APAF1: variants seen among roughly 807,000 people sequenced by gnomAD.
The protein encoded by APAF1 is apoptotic peptidase activating factor 1.
APAF1 carries 91 observed loss-of-function variants against 152.4 expected under a neutral mutation model. That is an observed-to-expected ratio of 0.60 (90% confidence interval 0.50 to 0.71). The LOEUF is 0.71. Ranked by LOEUF, APAF1 falls within the 30% of genes least tolerant of loss-of-function variation. APAF1 has a pLI of 0.00. For missense variants in APAF1, 1,283 were observed against 1,472.0 expected, an observed-to-expected ratio of 0.87 and a Z score of 2.10; for synonymous variants, 484 against 494.1, an observed-to-expected ratio of 0.98 and a Z score of 0.27.
intron 9 of APAF1, among the ~76,000 whole-genome samples, chr12:98,667,257 G>A (rs531575291): frequency 2.2e-4 from 34 of 151,718 alleles, no homozygotes; most frequent in Non-Finnish European, 4.6e-4. Flanking sequence ...CACCACACCT[G>A]ACTGATTTTT....
chr12:98,656,103 A>AT (rs1352355822), intron 4 of APAF1, among the ~76,000 whole-genome samples: 2 of 151,544 alleles, frequency 1.3e-5, no homozygotes, highest in South Asian at 2.1e-4. Context: ...AATTTTTTGT[A>AT]TTTTTTTAGG....
rs573419861 is a variant in APAF1, at chr12:98,708,478, T to C, written c.2722-107T>C. ...TGGATTATAATCTAATATTGAAACC[T>C]TTCTAGCATCATAGGTATTTTATGT... On this transcript the variant is annotated intron_variant, in intron 19 of 26. Transcript: ENST00000551964. 11 of 1,152,514 alleles carry C rather than the reference T, an allele frequency of 9.5e-6. No homozygotes were observed. The African/African-American group carries it at 1.1e-4, about 11-fold the overall frequency. The allele number at this position is 1,152,514 out of a possible 1,614,324, so 71.4% of individuals were successfully genotyped here.
At chr12:98,712,265 G>T (rs192731229) in intron 20 of APAF1, 54 bp from the exon 21 acceptor site, 10 of 989,122 alleles carry the variant, frequency 1.0e-5, no homozygotes, top group South Asian at 2.5e-5. Flanking sequence ...CTGTTCTGAC[G>T]AACAAAAACT....
intron 16 of APAF1, among the ~76,000 whole-genome samples, chr12:98,693,013 T>C (rs898591699): frequency 4.6e-5 from 7 of 152,132 alleles, no homozygotes; most frequent in Admixed American, 3.9e-4. Context: ...ACCAGCAGTG[T>C]ATAAGCGTTC....
chr12:98,716,993 G>A (rs1011075588), intron 22 of APAF1, among the ~76,000 whole-genome samples: 4 of 151,872 alleles, frequency 2.6e-5, no homozygotes, highest in Non-Finnish European at 5.9e-5. Context: ...AGCCTCCTGA[G>A]TAGCTGGGAT....
At chr12:98,723,611 C>G (rs752330919) in intron 23 of APAF1, 28 bp from the exon 24 acceptor site, 1 of 1,517,044 alleles carries the variant, frequency 6.6e-7, no homozygotes, top group South Asian at 1.2e-5. Context: ...AAGTGTCAAC[C>G]TCCAAGTGTT....
chr12:98,696,764 A>C (rs1407939422), intron 16 of APAF1, among the ~76,000 whole-genome samples: 1 of 152,120 alleles, frequency 6.6e-6, no homozygotes, highest in African/African-American at 2.4e-5. Flanking sequence ...CCAAGGTGCT[A>C]GGATTACAGA....
At chr12:98,677,841 G>A (rs866708622) in intron 13 of APAF1, among the ~76,000 whole-genome samples, 22 of 152,170 alleles carry the variant, frequency 1.4e-4, no homozygotes, top group African/African-American at 5.1e-4. Flanking sequence ...GTTAGAAGAC[G>A]TAGGGCTTCA....
chr12:98,674,140 C>A (rs1198985986), intron 12 of APAF1, among the ~76,000 whole-genome samples: 2 of 152,058 alleles, frequency 1.3e-5, no homozygotes, highest in African/African-American at 2.4e-5. Context: ...AGACTACAGG[C>A]ACATATTACC....
At position 98,715,466 on chromosome 12, in the gene APAF1, T is replaced by C; in HGVS notation, c.2998T>C (p.Phe1000Leu). ...LVNNRIFQSR[F>L]QHKKTVWHIQ... Reference sequence around the variant, plus strand: ...AAACAATAGAATCTTCCAGTCCAGGTTTCAGCACAAGAAAACTGTATGGCA... The same window carrying C: ...AAACAATAGAATCTTCCAGTCCAGGCTTCAGCACAAGAAAACTGTATGGCA... Residue 1000 changes from phenylalanine to leucine, a missense_variant, in exon 22 of 27, where the codon TTT (phenylalanine) becomes CTT (leucine). Physicochemically the swap from Phe to Leu is conservative, Grantham distance 22. Transcript: ENST00000551964. The C allele has an allele frequency of 1.2e-6, 2 of 1,613,352 alleles. No individual in the cohort carries two copies. The highest frequency in any genetic ancestry group is 4.5e-5 in the East Asian group (2 of 44,832).
intron 16 of APAF1, 58 bp from the exon 17 acceptor site, chr12:98,699,350 T>C: frequency 6.5e-7 from 1 of 1,539,308 alleles, no homozygotes; most frequent in Non-Finnish European, 8.9e-7. Context: ...GGAAAAATTC[T>C]AGAAGTGTGA....
At chr12:98,696,454 C>T (rs2097709991) in intron 16 of APAF1, among the ~76,000 whole-genome samples, 1 of 152,182 alleles carries the variant, frequency 6.6e-6, no homozygotes, top group Non-Finnish European at 1.5e-5. Flanking sequence ...CCCCATGACC[C>T]AGACACCTCC....
chr12:98,690,348 A>G (rs909805596), intron 16 of APAF1, among the ~76,000 whole-genome samples: 3 of 152,162 alleles, frequency 2.0e-5, no homozygotes, highest in African/African-American at 7.2e-5. Flanking sequence ...TTTGGCCTCT[A>G]TGCTATATCT....
chr12:98,667,821 G>C (rs1466614394), intron 10 of APAF1, among the ~76,000 whole-genome samples, 177 bp downstream of exon 10: 1 of 134,680 alleles, frequency 7.4e-6, no homozygotes, highest in Non-Finnish European at 1.5e-5. Context: ...TCTCAGGCTG[G>C]AGTGCAGTGG....
chr12:98,697,164 G>A (rs962340716), intron 16 of APAF1, among the ~76,000 whole-genome samples: 6 of 152,134 alleles, frequency 3.9e-5, no homozygotes, highest in African/African-American at 1.4e-4. Flanking sequence ...CTGTCTTTTT[G>A]ATGTTGAAAT....
In APAF1 at chr12:98,720,195, A is replaced by G. The variant is rs553345615; in HGVS notation, c.3085-2998A>G. ...TATGACCAGCTTGACGATTTCAGGT[A>G]TTCTCAGCTAGGGGGAAGAATAATT... On this transcript the variant is annotated intron_variant, in intron 22 of 26. Coordinates refer to ENST00000551964, the MANE Select transcript of APAF1 (RefSeq NM_181861.2). Among the ~76,000 whole-genome samples the G allele has an allele frequency of 3.3e-5, 5 of 152,362 alleles. No individual in the cohort carries two copies. The East Asian group carries it at 7.7e-4, about 23-fold the overall frequency.
At chr12:98,658,629 T>C (rs1287492265) in intron 4 of APAF1, among the ~76,000 whole-genome samples, 1 of 152,210 alleles carries the variant, frequency 6.6e-6, no homozygotes, top group Non-Finnish European at 1.5e-5. Context: ...GGGTGAGTTA[T>C]ATGTTCCAGG....
At chr12:98,655,463 C>T (rs1206594163) in intron 4 of APAF1, among the ~76,000 whole-genome samples, 4 of 140,836 alleles carry the variant, frequency 2.8e-5, no homozygotes, top group African/African-American at 8.0e-5. Context: ...AGGGGGCTGA[C>T]CCCCCCACCT....
At chr12:98,726,369 T>G (rs192587274) in intron 25 of APAF1, 1 of 152,536 alleles carries the variant, frequency 6.6e-6, no homozygotes, top group Non-Finnish European at 1.5e-5. Flanking sequence ...GTTTGGGTAT[T>G]GGGATGACTA....
Sources: allele counts gnomAD v4.1 joint callset (sites outside exome capture counted in the v4.1 genomes callset), GRCh38; gene constraint gnomAD v4.1.1; transcripts MANE v1.5; gene names NCBI Gene and HGNC (gene_info 2026-07-23, HGNC 2026-07-21).